CCDC62: variants seen among roughly 807,000 people sequenced by gnomAD.
CCDC62 encodes the protein coiled-coil domain containing 62, also known as coiled-coil domain-containing protein 62.
CCDC62 carries 72 observed loss-of-function variants against 80.8 expected under a neutral mutation model. The observed-to-expected ratio is 0.89, with a 90% CI of 0.74 to 1.08. CCDC62 has a LOEUF of 1.08. Among genes scored for constraint, CCDC62 ranks in the 50% least tolerant of loss-of-function variants. The pLI, the probability that CCDC62 is intolerant of heterozygous loss-of-function variation, is 0.00. For synonymous variants in CCDC62, 286 were observed against 296.5 expected, an observed-to-expected ratio of 0.96 and a Z score of 0.36; for missense variants, 704 against 809.4, an observed-to-expected ratio of 0.87 and a Z score of 1.58.
intron 9 of CCDC62, among the ~76,000 whole-genome samples, chr12:122,803,689 T>C (rs910428150): frequency 2.0e-5 from 3 of 152,256 alleles, no homozygotes; most frequent in African/African-American, 4.8e-5. Flanking sequence ...ATAGTCATTC[T>C]GCCAGTTGCA....
rs79433554 is a variant in CCDC62 at position 122,798,379 on chromosome 12, G to A, written c.977+179G>A. Among the ~76,000 whole-genome samples, 6,600 of 152,168 alleles carry A rather than the reference G, an allele frequency of 0.043. 276 individuals are homozygous for A. Among genetic ancestry groups the A allele is most frequent in the East Asian group, 0.24 (1,256 of 5,152 alleles). On this transcript the variant is annotated intron_variant, in intron 8 of 12. Transcript: ENST00000253079. The stretch of plus-strand genomic sequence containing the variant: ...GCACTTTGGGAGGCCAAGGCAGGTG[G>A]GTCACCTGAGGTCAGGAGTTCGAGA...
chr12:122,809,749 C>T lies in CCDC62; in HGVS notation c.1851+3454C>T, dbSNP rs571354987. ...CAAAAGAACAAAGCTAGAGGCATCA[C>T]GCTACCTGACTTCAAACTATACTAC... On this transcript the variant is annotated intron_variant, in intron 10 of 12. Transcript: ENST00000253079. Among the ~76,000 whole-genome samples the T allele has an allele frequency of 5.3e-3, 802 of 152,308 alleles. 3 individuals carry two copies. The highest frequency in any genetic ancestry group is 9.0e-3 in the Non-Finnish European group (611 of 68,026).
At position 122,778,567 on chromosome 12, in the gene CCDC62, G is replaced by A. The variant is rs529875833; in HGVS notation, c.229+884G>A. Among the ~76,000 whole-genome samples the A allele has an allele frequency of 9.9e-5, 15 of 152,208 alleles. No individual in the cohort carries two copies. The East Asian group carries it at 2.3e-3, about 23-fold the overall frequency. On this transcript the variant is annotated intron_variant, in intron 2 of 12. Coordinates refer to ENST00000253079, the MANE Select transcript of CCDC62 (RefSeq NM_201435.5). ...TACTTAACATTACTCAAAGGATTCT[G>A]TAAATGTGACAATCCAAATCTGTCA...
At chr12:122,818,442 G>A (rs2032258509) in intron 11 of CCDC62, among the ~76,000 whole-genome samples, 1 of 138,532 alleles carries the variant, frequency 7.2e-6, no homozygotes, top group African/African-American at 2.8e-5. Flanking sequence ...GACATAGCGA[G>A]ACTCTGTCTC....
chr12:122,786,036 C>T (rs2030198255), intron 4 of CCDC62, among the ~76,000 whole-genome samples: 1 of 152,256 alleles, frequency 6.6e-6, no homozygotes, highest in Non-Finnish European at 1.5e-5. Context: ...GGTCTTCTGT[C>T]TCCAAGGCCC....
At chr12:122,811,210 C>CTTTTTT (rs34599465) in intron 10 of CCDC62, among the ~76,000 whole-genome samples, 1 of 120,090 alleles carries the variant, frequency 8.3e-6, no homozygotes, top group African/African-American at 3.2e-5. Context: ...ATTAAGTTTC[C>CTTTTTT]TTTTTTTTTT....
intron 9 of CCDC62, among the ~76,000 whole-genome samples, chr12:122,802,681 T>A (rs1487406566): frequency 6.6e-6 from 1 of 151,982 alleles, no homozygotes; most frequent in African/African-American, 2.4e-5. Context: ...CCCAAATTGC[T>A]GTGATTACAG....
At chr12:122,800,564 A>T (rs1038008402) in intron 8 of CCDC62, among the ~76,000 whole-genome samples, 14 of 150,162 alleles carry the variant, frequency 9.3e-5, no homozygotes, top group Non-Finnish European at 1.9e-4. Context: ...AGTAGCTGGG[A>T]ATACAGGCCT....
chr12:122,819,462 G>A (rs547934591), intron 11 of CCDC62, among the ~76,000 whole-genome samples: 96 of 152,298 alleles, frequency 6.3e-4, no homozygotes, highest in Middle Eastern at 3.4e-3. Context: ...AAGAACTGAC[G>A]CTTTGACAAT....
Position 122,777,475 on chromosome 12 carries a change from C to A in CCDC62, c.37-16C>A, listed in dbSNP as rs758153612. The A allele has an allele frequency of 7.6e-6, 12 of 1,583,348 alleles. No homozygotes were observed. The highest frequency in any genetic ancestry group is 2.7e-5 in the African/African-American group (2 of 73,594). On this transcript the variant is annotated splice_polypyrimidine_tract_variant and intron_variant, in intron 1 of 12. Coordinates refer to ENST00000253079, the MANE Select transcript of CCDC62 (RefSeq NM_201435.5). ...ATTTCATTCTATTTTGATGTGAAAC[C>A]GCTTTCTATGTTTAGAACATCGGGT... is the stretch of plus-strand genomic sequence containing the variant.
At chr12:122,780,583 C>G (rs858349) in intron 2 of CCDC62, among the ~76,000 whole-genome samples, 120,099 of 150,386 alleles carry the variant, frequency 0.8, 48,887 homozygotes, top group Middle Eastern at 0.9. Context: ...CACTGCACTC[C>G]AGCCTGGACA....
chr12:122,821,646 C>T (rs978238101), intron 11 of CCDC62, among the ~76,000 whole-genome samples: 2 of 151,786 alleles, frequency 1.3e-5, no homozygotes, highest in African/African-American at 2.4e-5. Flanking sequence ...TTTGTCTCCC[C>T]GTGTTGCCTA....
intron 8 of CCDC62, among the ~76,000 whole-genome samples, chr12:122,800,135 C>T (rs2031204554): frequency 6.6e-6 from 1 of 150,898 alleles, no homozygotes; most frequent in African/African-American, 2.4e-5. Flanking sequence ...GTAGCTGGGC[C>T]CACAGGCATG....
In CCDC62 at chr12:122,777,642, A is replaced by G. The variant is rs140576142; in HGVS notation, c.188A>G (p.Gln63Arg). The stretch of plus-strand genomic sequence containing the variant: ...CTTCTTTCATGGGAAGAGGATCGGC[A>G]GAAAGTGTTGACACTGGAAGAACGT... ...QQLLSWEEDR[Q>R]KVLTLEERCS... The change falls in exon 2 of 13, where the codon CAG becomes CGG. Residue 63 changes from glutamine (Q) to arginine (R), a missense_variant. Coordinates refer to ENST00000253079, the MANE Select transcript of CCDC62 (RefSeq NM_201435.5). The G allele has an allele frequency of 6.2e-7, 1 of 1,614,186 alleles. No individual in the cohort carries two copies. The highest frequency in any genetic ancestry group is 2.2e-5 in the East Asian group (1 of 44,882).
intron 6 of CCDC62, among the ~76,000 whole-genome samples, chr12:122,796,875 TTC>T (rs1464918535): frequency 8.0e-4 from 4 of 5,026 alleles, no homozygotes; most frequent in African/African-American, 3.0e-4. Flanking sequence ...AAATCACTTC[TTC>T]TTTTTTTTTT....
intron 10 of CCDC62, among the ~76,000 whole-genome samples, chr12:122,809,218 GGT>G (rs1198375014): frequency 6.6e-6 from 1 of 152,258 alleles, no homozygotes; most frequent in Non-Finnish European, 1.5e-5. Flanking sequence ...GGCCGGGCGT[GGT>G]GGCTCATGCC....
intron 8 of CCDC62, among the ~76,000 whole-genome samples, chr12:122,799,694 C>T (rs982744515): frequency 1.3e-5 from 2 of 152,230 alleles, no homozygotes; most frequent in Admixed American, 6.5e-5. Flanking sequence ...ATTAGGGAAG[C>T]TCCCCATGGC....
Position 122,797,328 on chromosome 12 carries a change from A to C in CCDC62, c.794A>C (p.Asp265Ala), listed in dbSNP as rs1355278893. 6.3e-7 allele frequency: 1 copy of C among 1,581,722 alleles called. No individual in the cohort carries two copies. The highest frequency in any genetic ancestry group is 1.1e-5 in the South Asian group (1 of 90,390). The change falls in exon 7 of 13, where the codon GAT (aspartate) becomes GCT (alanine). Residue 265 changes from aspartate to alanine, a missense_variant. Transcript: ENST00000253079. The stretch of plus-strand genomic sequence containing the variant: ...ATAGTAGAGAGAGAAAAGAGGAAAG[A>C]TGAATTGCTTAATATTGCGAAGTCA... ...LFTVEREKRK[D>A]ELLNIAKSKQ...
intron 9 of CCDC62, among the ~76,000 whole-genome samples, chr12:122,804,872 A>G (rs1408689951): frequency 1.5e-5 from 2 of 135,864 alleles, no homozygotes; most frequent in African/African-American, 5.4e-5. Flanking sequence ...GAGTCACTGC[A>G]CTTGGTTCCA....
Sources: gnomAD v4.1 joint callset for allele counts (sites outside exome capture counted in the v4.1 genomes callset) on GRCh38, gnomAD v4.1.1 for gene constraint, MANE v1.5 for transcripts, NCBI Gene and HGNC (gene_info 2026-07-23, HGNC 2026-07-21) for gene names.